Variants in FAM163B observed in about 807,000 individuals in gnomAD.
The protein encoded by FAM163B is protein FAM163B.
In FAM163B, 4 loss-of-function variants were observed where a neutral mutation model predicts 7.6. The ratio of observed to expected loss-of-function variants is 0.52; its 90% CI spans 0.26 to 1.20. The LOEUF is 1.20. Among genes scored for constraint, FAM163B ranks in the 50% most tolerant of loss-of-function variants. FAM163B has a pLI of 0.14. For synonymous variants in FAM163B, 120 were observed against 111.6 expected, an observed-to-expected ratio of 1.07 and a Z score of -0.47; for missense variants, 250 against 243.0, an observed-to-expected ratio of 1.03 and a Z score of -0.19.
intron 1 of FAM163B, among the ~76,000 whole-genome samples, chr9:133,591,831 G>C (rs746729826): frequency 1.3e-5 from 2 of 152,108 alleles, no homozygotes; most frequent in East Asian, 1.9e-4. Flanking sequence ...AGGCCTGTCC[G>C]TGTGGCCTCT....
Position 133,600,018 on chromosome 9 carries a change from T to C in FAM163B, c.-24+9059A>G, listed in dbSNP as rs1181801364. 2.8e-5 allele frequency among the ~76,000 whole-genome samples: 4 copies of C among 142,668 alleles called. No homozygotes were observed. The highest frequency in any genetic ancestry group is 5.3e-5 in the African/African-American group (2 of 37,670). The allele number at this position is 142,668 out of a possible 152,430, so 93.6% of individuals were successfully genotyped here. A position where few individuals can be genotyped will look rare whatever the true frequency, so the allele number is the denominator to read the frequency against. On this transcript the variant is annotated intron_variant, in intron 1 of 2. Coordinates refer to ENST00000673969, the MANE Select transcript of FAM163B (RefSeq NM_001080515.3). The surrounding 1 kb of genome is among the most constrained non-coding windows in gnomAD (Gnocchi z 4.9). Reference sequence around the variant, plus strand: ...ATGTGTGTGTGTGGCCTGTGTGCATTTGTGTGCATGTATGTGTGGTCTGTG... The same window carrying C: ...ATGTGTGTGTGTGGCCTGTGTGCATCTGTGTGCATGTATGTGTGGTCTGTG...
chr9:133,579,062 T>G lies in FAM163B; in HGVS notation c.461A>C (p.Glu154Ala), dbSNP rs1459379467. The G allele has an allele frequency of 6.3e-7, 1 of 1,584,974 alleles. No homozygotes were observed. Among genetic ancestry groups the G allele is most frequent in the South Asian group, 1.1e-5 (1 of 87,724 alleles). Residue 154 changes from glutamate to alanine, a missense_variant, in exon 3 of 3, where the codon GAG becomes GCG. Glu to Ala is a moderately radical substitution (Grantham distance 107). Coordinates refer to ENST00000673969, the MANE Select transcript of FAM163B (RefSeq NM_001080515.3). ...LNPNRLSAMREAFARSRSIST... is the reference protein window; with the variant it reads ...LNPNRLSAMRAAFARSRSIST... ...GATGCTGCGGCTCCTGGCGAAGGCCTCCCGCATGGCTGAGAGGCGGTTGGG... is the reference window on the plus strand; with the variant it reads ...GATGCTGCGGCTCCTGGCGAAGGCCGCCCGCATGGCTGAGAGGCGGTTGGG...
chr9:133,597,967 C>G (rs1831656134), intron 1 of FAM163B, among the ~76,000 whole-genome samples: 1 of 152,226 alleles, frequency 6.6e-6, no homozygotes, highest in African/African-American at 2.4e-5. Flanking sequence ...GTCCAGGGGA[C>G]AGGGCTCAAA....
At chr9:133,597,746 GCATGAC>G (rs1831652435) in intron 1 of FAM163B, among the ~76,000 whole-genome samples, 1 of 152,132 alleles carries the variant, frequency 6.6e-6, no homozygotes, top group Admixed American at 6.5e-5. Context: ...GCCAAGGGCT[GCATGAC>G]CTACAAGGGC....
In FAM163B at chr9:133,606,411, C is replaced by T. The variant is rs528362282; in HGVS notation, c.-24+2666G>A. ...AAAGACTGAGACACTGCAAGAAGTA[C>T]CAGTGCCAAGTGTGGCAGCAGCTGG... On this transcript the variant is annotated intron_variant, in intron 1 of 2. Coordinates refer to ENST00000673969, the MANE Select transcript of FAM163B (RefSeq NM_001080515.3). This position sits in a 1 kb window ranked among gnomAD's most constrained non-coding sequence, Gnocchi z 4.0. Among the ~76,000 whole-genome samples, 9 of 152,340 alleles carry T rather than the reference C, an allele frequency of 5.9e-5. No homozygotes were observed. Among genetic ancestry groups the T allele is most frequent in the Non-Finnish European group, 1.2e-4 (8 of 68,032 alleles).
At chr9:133,585,325 C>T (rs1311375908) in intron 1 of FAM163B, among the ~76,000 whole-genome samples, 2 of 152,350 alleles carry the variant, frequency 1.3e-5, no homozygotes, top group African/African-American at 4.8e-5. Context: ...GGCAGGAGAC[C>T]CCCTGCTAAC....
rs955715199 is a variant in FAM163B, at chr9:133,600,617, G to A, written c.-24+8460C>T. Among the ~76,000 whole-genome samples the A allele has an allele frequency of 3.5e-4, 53 of 152,082 alleles. No homozygotes were observed. Among genetic ancestry groups the A allele is most frequent in the African/African-American group, 1.0e-3 (42 of 41,416 alleles). On this transcript the variant is annotated intron_variant, in intron 1 of 2. Coordinates refer to ENST00000673969, the MANE Select transcript of FAM163B (RefSeq NM_001080515.3). This position sits in a 1 kb window ranked among gnomAD's most constrained non-coding sequence, Gnocchi z 4.9. ...GGTGGGAGCAGGGGTAAAACCAGAG[G>A]GTAAAAGGATGGGTGGAAGCCCAAG...
At chr9:133,608,082 T>C (rs1203667539) in intron 1 of FAM163B, among the ~76,000 whole-genome samples, 2 of 152,080 alleles carry the variant, frequency 1.3e-5, no homozygotes, top group Non-Finnish European at 2.9e-5. Context: ...AGAGCGTGAG[T>C]TGGCAGGGGC....
intron 1 of FAM163B, among the ~76,000 whole-genome samples, chr9:133,582,034 C>G (rs1383205766): frequency 6.6e-6 from 1 of 152,222 alleles, no homozygotes; most frequent in Non-Finnish European, 1.5e-5. Context: ...ATGCCTTTAT[C>G]ATCTGTGTGG....
chr9:133,580,122 C>T lies in FAM163B; in HGVS notation c.93+9G>A, dbSNP rs1393775950. 25 of 1,609,866 alleles carry T rather than the reference C, an allele frequency of 1.6e-5. No homozygotes were observed. The South Asian group carries it at 1.6e-4, about 11-fold the overall frequency. On this transcript the variant is annotated intron_variant, in intron 2 of 2. Transcript: ENST00000673969. ...CTGCCCTGTCCCCTTCCCCGCCGCCCGGGAATACCTGGAGCCGGCAGTAGC... is the reference window on the plus strand; with the variant it reads ...CTGCCCTGTCCCCTTCCCCGCCGCCTGGGAATACCTGGAGCCGGCAGTAGC...
chr9:133,596,085 G>A (rs1011871579), intron 1 of FAM163B, among the ~76,000 whole-genome samples: 8 of 152,096 alleles, frequency 5.3e-5, no homozygotes, highest in African/African-American at 1.2e-4. Context: ...GGAGGAAGCC[G>A]TTCAGAGGCT....
Position 133,579,433 on chromosome 9 carries a change from C to A in FAM163B, c.94-4G>T, listed in dbSNP as rs1048689699. 5 of 1,588,364 alleles carry A rather than the reference C, an allele frequency of 3.1e-6. No homozygotes were observed. Among genetic ancestry groups the A allele is most frequent in the South Asian group, 1.1e-5 (1 of 87,956 alleles). On this transcript the variant is annotated splice_polypyrimidine_tract_variant and splice_region_variant and intron_variant, in intron 2 of 2. Coordinates refer to ENST00000673969, the MANE Select transcript of FAM163B (RefSeq NM_001080515.3). ...CGTCCTTCTTGCAGCAGTAGTACTG[C>A]GGGCAGAGGGACGGTGACCATGCGG...
At position 133,609,366 on chromosome 9, in the gene FAM163B, G is replaced by C. The variant is rs1831826081; in HGVS notation, c.-313C>G. On this transcript the variant is annotated 5_prime_UTR_variant, in exon 1 of 3. Coordinates refer to ENST00000673969, the MANE Select transcript of FAM163B (RefSeq NM_001080515.3). ...CGAGCTGCACGCGCGGCTCCAGCCT[G>C]GTCCCGAGCGCAGGGCGCGCGCTGG... Among the ~76,000 whole-genome samples the C allele has an allele frequency of 6.7e-6, 1 of 149,696 alleles. No individual in the cohort carries two copies. Among genetic ancestry groups the C allele is most frequent in the Non-Finnish European group, 1.5e-5 (1 of 67,136 alleles).
At chr9:133,598,251 C>G in intron 1 of FAM163B, among the ~76,000 whole-genome samples, 1 of 152,112 alleles carries the variant, frequency 6.6e-6, no homozygotes, top group Non-Finnish European at 1.5e-5. Context: ...GGGCTCTCCC[C>G]CTGGGGACCC....
chr9:133,580,168 A>C lies in FAM163B; in HGVS notation c.56T>G (p.Leu19Arg). 6.2e-7 allele frequency: 1 copy of C among 1,613,358 alleles called. No individual in the cohort carries two copies. Among genetic ancestry groups the C allele is most frequent in the Non-Finnish European group, 8.5e-7 (1 of 1,180,024 alleles). Residue 19 changes from leucine (L) to arginine (R), a missense_variant, in exon 2 of 3, where the codon CTC (leucine) becomes CGC (arginine). By Grantham distance (102) the Leu-to-Arg change is moderately radical. Transcript: ENST00000673969. Reference protein sequence around the residue: ...TGGILATVILLCIIAVLCYCR... With the variant: ...TGGILATVILRCIIAVLCYCR... ...GTAGCACAGAACAGCGATGATGCAG[A>C]GCAAAATCACAGTCGCCAAGATGCC...
intron 2 of FAM163B, among the ~76,000 whole-genome samples, chr9:133,579,743 G>T (rs1361819657): frequency 6.6e-6 from 1 of 152,224 alleles, no homozygotes; most frequent in Non-Finnish European, 1.5e-5. Context: ...AGAGCCGGGG[G>T]TCACAGGCAC....
chr9:133,578,922 G>A lies in FAM163B; in HGVS notation c.*100C>T. On this transcript the variant is annotated 3_prime_UTR_variant, in exon 3 of 3. Transcript: ENST00000673969. ...AGGACAGGGATTCCAGGAGGGCTCA[G>A]CCAAGCCCCACTTGGGGCCTGGGGC... 1 of 1,435,558 alleles carries A rather than the reference G, an allele frequency of 7.0e-7. No homozygotes were observed. Among genetic ancestry groups the A allele is most frequent in the African/African-American group, 1.4e-5 (1 of 69,728 alleles). 88.9% of individuals were successfully genotyped at this position (1,435,558 alleles called of 1,614,324 possible). A position where few individuals can be genotyped will look rare whatever the true frequency, so the allele number is the denominator to read the frequency against.
At position 133,609,371 on chromosome 9, in the gene FAM163B, C is replaced by T. The variant is rs1490978239; in HGVS notation, c.-318G>A. ...TGCACGCGCGGCTCCAGCCTGGTCC[C>T]GAGCGCAGGGCGCGCGCTGGCGGGG... On this transcript the variant is annotated 5_prime_UTR_variant, in exon 1 of 3. Coordinates refer to ENST00000673969, the MANE Select transcript of FAM163B (RefSeq NM_001080515.3). Among the ~76,000 whole-genome samples the T allele has an allele frequency of 1.3e-5, 2 of 149,582 alleles. No individual in the cohort carries two copies. Among genetic ancestry groups the T allele is most frequent in the East Asian group, 3.9e-4 (2 of 5,154 alleles).
At chr9:133,588,653 A>T (rs1831485786) in intron 1 of FAM163B, among the ~76,000 whole-genome samples, 2 of 87,376 alleles carry the variant, frequency 2.3e-5, no homozygotes, top group Admixed American at 2.5e-4. Context: ...AGGTTGAAGG[A>T]TCTAGCATGC....
Sources: allele counts gnomAD v4.1 joint callset (sites outside exome capture counted in the v4.1 genomes callset), GRCh38; gene constraint gnomAD v4.1.1; non-coding constraint Gnocchi (gnomAD v3.1); transcripts MANE v1.5; gene names NCBI Gene and HGNC (gene_info 2026-07-23, HGNC 2026-07-21).